Variants in UGT2B4 observed in about 807,000 individuals in gnomAD.
UGT2B4 encodes UDP glucuronosyltransferase family 2 member B4.
UGT2B4 carries 49 observed loss-of-function variants against 49.8 expected under a neutral mutation model. That is an observed-to-expected ratio of 0.98 (90% CI 0.78 to 1.25). The LOEUF is 1.25. UGT2B4 is among the 50% of genes most tolerant of loss of function. UGT2B4 has a pLI of 0.00. For missense variants in UGT2B4, 729 were observed against 627.7 expected, an observed-to-expected ratio of 1.16 and a Z score of -1.73; for synonymous variants, 246 against 217.7, an observed-to-expected ratio of 1.13 and a Z score of -1.14.
chr4:69,509,342 T>G (rs2082337), intron 1 of UGT2B4, among the ~76,000 whole-genome samples: 1 of 151,910 alleles, frequency 6.6e-6, no homozygotes, highest in Non-Finnish European at 1.5e-5. Context: ...CTGTCTAATT[T>G]TTGTATTTTT....
At chr4:69,517,194 T>C (rs577363051) in intron 1 of UGT2B4, among the ~76,000 whole-genome samples, 7 of 152,286 alleles carry the variant, frequency 4.6e-5, no homozygotes, top group Admixed American at 3.3e-4. Flanking sequence ...CAAAGTCTTT[T>C]AGAGTTTTCT....
chr4:69,514,236 C>A (rs1212373149), intron 1 of UGT2B4, among the ~76,000 whole-genome samples: 1 of 152,094 alleles, frequency 6.6e-6, no homozygotes, highest in South Asian at 2.1e-4. Flanking sequence ...CTATCCCTCC[C>A]CACTCCCACA....
rs569611669 is a variant in UGT2B4 at position 69,503,301 on chromosome 4, C to T, written c.-105-7335G>A. 7.2e-5 allele frequency among the ~76,000 whole-genome samples: 11 copies of T among 152,272 alleles called. No individual in the cohort carries two copies. In the South Asian group the frequency reaches 1.4e-3, roughly 20 times the overall value. ...CTGGGGGCTCACACCATAGCTTCTG[C>T]AGCAGTGGACTGTGCCTGACTGGAG... is the stretch of plus-strand genomic sequence containing the variant. On this transcript the variant is annotated intron_variant, in intron 1 of 1. Coordinates refer to the UGT2B4 transcript ENST00000510114.
In UGT2B4 at chr4:69,495,360, AG is replaced by A; in HGVS notation, c.501del (p.Phe168LeufsTer34). On this transcript the variant is annotated frameshift_variant, in exon 1 of 6. Coordinates refer to ENST00000305107, the MANE Select transcript of UGT2B4 (RefSeq NM_021139.3). LOFTEE classifies it high-confidence loss of function. ...GGAGAGAAGCGGAGGCTGTAGACAA[AG>A]GGTATTTTAAGTAACTCGGCCAGCA... ...GELLAELLKIPFVYSLRFSPG... is the reference protein window; with the variant it reads ...GELLAELLKIXFVYSLRFSPG... 2 of 1,613,848 alleles carry A rather than the reference AG, an allele frequency of 1.2e-6. No individual in the cohort carries two copies. The highest frequency in any genetic ancestry group is 1.7e-6 in the Non-Finnish European group (2 of 1,179,944).
chr4:69,487,676 A>G (rs1373220587), intron 3 of UGT2B4, among the ~76,000 whole-genome samples: 2 of 152,166 alleles, frequency 1.3e-5, no homozygotes, highest in African/African-American at 4.8e-5. Flanking sequence ...GAAACAGTCC[A>G]TACAACAAAC....
chr4:69,498,404 C>T (rs1034193901), upstream of UGT2B4, among the ~76,000 whole-genome samples: 3 of 151,952 alleles, frequency 2.0e-5, no homozygotes, highest in Admixed American at 2.0e-4. Context: ...GCACCTTCAG[C>T]TGAAACATTC....
At chr4:69,492,265 C>T (rs1255687482) in intron 2 of UGT2B4, among the ~76,000 whole-genome samples, 2 of 152,028 alleles carry the variant, frequency 1.3e-5, no homozygotes, top group Non-Finnish European at 2.9e-5. Context: ...AAAACACCTG[C>T]TCTAATAGGG....
intron 1 of UGT2B4, among the ~76,000 whole-genome samples, chr4:69,524,402 G>T (rs181617265): frequency 4.3e-3 from 653 of 152,148 alleles, no homozygotes; most frequent in Non-Finnish European, 6.5e-3. Context: ...ATAGGCCAGA[G>T]GAGAGGGAGA....
At chr4:69,525,719 GCAAAAAA>G in exon 1 of UGT2B4, 1 of 1,277,768 alleles carries the variant, frequency 7.8e-7, no homozygotes, top group Non-Finnish European at 1.0e-6. Context: ...ATGTAAGAGA[GCAAAAAA>G]CATTATGATG....
At chr4:69,489,143 G>A (rs544068009) in intron 3 of UGT2B4, among the ~76,000 whole-genome samples, 1 of 152,146 alleles carries the variant, frequency 6.6e-6, no homozygotes, top group Non-Finnish European at 1.5e-5. Context: ...GCAGAATTTG[G>A]TGATAGCTCT....
chr4:69,480,720 C>T lies in UGT2B4; in HGVS notation c.1501G>A (p.Val501Met), dbSNP rs771911170. ...LDVTGFLLAC[V>M]ATVIFIITKC... ...GTGATGATGAATATCACAGTTGCCA[C>T]ACAGGCCAGCAGGAACCCAGTCACA... Residue 501 changes from valine to methionine, a missense_variant, in exon 6 of 6, where the codon GTG (valine) becomes ATG (methionine). Physicochemically the swap from Val to Met is conservative, Grantham distance 21. Transcript: ENST00000305107. 5 of 1,613,990 alleles carry T rather than the reference C, an allele frequency of 3.1e-6. No individual in the cohort carries two copies. Among genetic ancestry groups the T allele is most frequent in the Non-Finnish European group, 2.5e-6 (3 of 1,179,952 alleles).
intron 1 of UGT2B4, among the ~76,000 whole-genome samples, chr4:69,515,802 A>T (rs962547069): frequency 6.6e-6 from 1 of 152,176 alleles, no homozygotes; most frequent in Non-Finnish European, 1.5e-5. Flanking sequence ...ATTAAAAAAA[A>T]TTAAAAACCA....
intron 1 of UGT2B4, among the ~76,000 whole-genome samples, chr4:69,518,750 C>CAGAT (rs1450333782): frequency 6.6e-6 from 1 of 152,096 alleles, no homozygotes; most frequent in African/African-American, 2.4e-5. Context: ...TCCAGGGTTC[C>CAGAT]AGATGGCTTA....
At chr4:69,519,048 A>G (rs1728790977) in intron 1 of UGT2B4, among the ~76,000 whole-genome samples, 1 of 152,226 alleles carries the variant, frequency 6.6e-6, no homozygotes, top group Admixed American at 6.5e-5. Flanking sequence ...ATATTTGGTA[A>G]TCTTCCCAGT....
chr4:69,483,791 T>G (rs562420126), intron 5 of UGT2B4, among the ~76,000 whole-genome samples: 8 of 152,176 alleles, frequency 5.3e-5, no homozygotes, highest in Admixed American at 4.6e-4. Flanking sequence ...AAAAAATCAA[T>G]TATCAAAAAT....
chr4:69,514,649 A>T (rs777109241), intron 1 of UGT2B4, among the ~76,000 whole-genome samples: 12 of 152,110 alleles, frequency 7.9e-5, no homozygotes, highest in Non-Finnish European at 1.8e-4. Flanking sequence ...TATCTGCTTT[A>T]TTGAAAATTT....
At chr4:69,516,861 C>T (rs6855029) in intron 1 of UGT2B4, among the ~76,000 whole-genome samples, 10 of 150,862 alleles carry the variant, frequency 6.6e-5, no homozygotes, top group Admixed American at 3.3e-4. Flanking sequence ...GCCCGCCTTA[C>T]GCTCCCAAAG....
At chr4:69,517,733 A>G (rs1728765145) in intron 1 of UGT2B4, 1 of 163,516 alleles carries the variant, frequency 6.1e-6, no homozygotes, top group East Asian at 1.9e-4. Flanking sequence ...TCGTGGAGCC[A>G]CAAGTTAAAA....
chr4:69,496,678 T>A (rs2109816237), upstream of UGT2B4, among the ~76,000 whole-genome samples: 1 of 152,312 alleles, frequency 6.6e-6, no homozygotes, highest in South Asian at 2.1e-4. Context: ...TCCCTACCCC[T>A]TCTTTCTGCA....
Sources: gnomAD v4.1 joint callset for allele counts (sites outside exome capture counted in the v4.1 genomes callset) on GRCh38, gnomAD v4.1.1 for gene constraint, MANE v1.5 for transcripts, NCBI Gene and HGNC (gene_info 2026-07-23, HGNC 2026-07-21) for gene names.